Variants in ZNF248 observed in about 807,000 individuals in gnomAD.
The protein encoded by ZNF248 is zinc finger protein 248.
A neutral mutation model predicts 44.3 loss-of-function variants in ZNF248; 20 were observed. That is an observed-to-expected ratio of 0.45 (90% confidence interval 0.32 to 0.66). The LOEUF is 0.66. ZNF248 is among the 30% of genes least tolerant of loss of function. The pLI is 0.04. For synonymous variants in ZNF248, 224 were observed against 229.0 expected (o/e 0.98, Z 0.20); for missense variants, 654 against 677.0 (o/e 0.97, Z 0.38).
chr10:37,855,443 G>GA (rs34862113), intron 3 of ZNF248, among the ~76,000 whole-genome samples: 33,460 of 151,826 alleles, frequency 0.22, 3,842 homozygotes, highest in Middle Eastern at 0.29. Flanking sequence ...CTTTATTAAG[G>GA]AAAAAAAATG....
At chr10:37,811,082 C>A (rs2051415277) in intron 6 of ZNF248, among the ~76,000 whole-genome samples, 1 of 152,114 alleles carries the variant, frequency 6.6e-6, no homozygotes, top group Admixed American at 6.5e-5. Context: ...ATATGAAGTA[C>A]CACTAGTGAT....
Position 37,837,661 on chromosome 10 carries a change from T to C in ZNF248, c.194A>G (p.Glu65Gly). Residue 65 changes from glutamate to glycine, a missense_variant, in exon 5 of 6, where the codon GAG becomes GGG. By Grantham distance (98) the Glu-to-Gly change is moderately conservative. Coordinates refer to ENST00000395867, the MANE Select transcript of ZNF248 (RefSeq NM_021045.3). Reference sequence around the variant, plus strand: ...GAATCCTTTTTCTAATATCCAGGGCTCTTCTCCTTGCTCGATCTTAAAGAT... The same window carrying C: ...GAATCCTTTTTCTAATATCCAGGGCCCTTCTCCTTGCTCGATCTTAAAGAT... ...EVIFKIEQGE[E>G]PWILEKGFPS... is the part of the protein sequence containing the mutation. 6.2e-7 allele frequency: 1 copy of C among 1,614,138 alleles called. No individual in the cohort carries two copies. The highest frequency in any genetic ancestry group is 1.1e-5 in the South Asian group (1 of 91,086).
At chr10:37,834,925 A>G (rs1366725238) in intron 5 of ZNF248, among the ~76,000 whole-genome samples, 2 of 152,240 alleles carry the variant, frequency 1.3e-5, no homozygotes, top group African/African-American at 4.8e-5. Context: ...TAAGACAGGT[A>G]GCAAGGGCTA....
intron 1 of ZNF248, 168 bp from the exon 2 acceptor site, chr10:37,856,700 AG>A: frequency 1.0e-6 from 1 of 996,548 alleles, no homozygotes; most frequent in Non-Finnish European, 1.2e-6. Context: ...CCCTGAGGTT[AG>A]ATAATGCAAA....
downstream of ZNF248, among the ~76,000 whole-genome samples, chr10:37,824,718 G>T: frequency 1.1e-5 from 1 of 93,324 alleles, no homozygotes; most frequent in Non-Finnish European, 1.9e-5. Context: ...GTCTCCCTCT[G>T]TAGCCCAGGC....
chr10:37,815,324 A>G (rs931226299), intron 6 of ZNF248, among the ~76,000 whole-genome samples: 13 of 152,068 alleles, frequency 8.5e-5, no homozygotes, highest in Admixed American at 7.9e-4. Context: ...TCAGCCTCCC[A>G]AAGTGCTGGG....
chr10:37,770,306 G>A, the ZNF248 span, among the ~76,000 whole-genome samples: 22 of 152,098 alleles, frequency 1.4e-4, no homozygotes, highest in Non-Finnish European at 1.8e-4. Context: ...AAAAGAGCCC[G>A]CATCGCCAAG....
intron 6 of ZNF248, among the ~76,000 whole-genome samples, chr10:37,785,967 G>C (rs1287854779): frequency 6.6e-6 from 1 of 152,168 alleles, no homozygotes; most frequent in East Asian, 1.9e-4. Context: ...CCATCAAAGA[G>C]CAGCTACCAC....
intron 6 of ZNF248, among the ~76,000 whole-genome samples, chr10:37,788,577 C>T (rs961505091): frequency 2.6e-5 from 4 of 152,112 alleles, no homozygotes; most frequent in Middle Eastern, 3.2e-3. Context: ...GCCATGAAGC[C>T]ACCACTGCAC....
chr10:37,761,629 A>C, the ZNF248 span, among the ~76,000 whole-genome samples: 2 of 152,244 alleles, frequency 1.3e-5, no homozygotes, highest in Non-Finnish European at 2.9e-5. Flanking sequence ...AATAGTGAAT[A>C]ACTTTACTTC....
chr10:37,791,852 C>T (rs2048587136), intron 6 of ZNF248: 1 of 152,182 alleles, frequency 6.6e-6, no homozygotes, highest in Admixed American at 6.6e-5. Context: ...AAAGCAAGCA[C>T]AAATGGACTG....
intron 3 of ZNF248, among the ~76,000 whole-genome samples, chr10:37,840,027 G>A (rs892151541): frequency 1.3e-5 from 2 of 152,026 alleles, no homozygotes; most frequent in African/African-American, 2.4e-5. Flanking sequence ...TAAGCAAGAC[G>A]GCTGAAAAAT....
In ZNF248 at chr10:37,846,262, G is replaced by C. The variant is rs188608218; in HGVS notation, c.16-8151C>G. ...TTTGGTAACAGAAAGAGGAATTATA[G>C]AATTCGAATTTCACCATTTTGCAAT... On this transcript the variant is annotated intron_variant, in intron 3 of 5. Transcript: ENST00000395867. Among the ~76,000 whole-genome samples, 15 of 152,270 alleles carry C rather than the reference G, an allele frequency of 9.9e-5. No homozygotes were observed. The East Asian group carries it at 2.9e-3, about 29-fold the overall frequency.
chr10:37,762,772 C>T, the ZNF248 span, among the ~76,000 whole-genome samples: 1 of 152,136 alleles, frequency 6.6e-6, no homozygotes, highest in Non-Finnish European at 1.5e-5. Context: ...CTCGAGGCTT[C>T]CCATGTAGAC....
intron 6 of ZNF248, among the ~76,000 whole-genome samples, chr10:37,797,580 T>C (rs1210318271): frequency 1.3e-5 from 2 of 151,246 alleles, no homozygotes; most frequent in African/African-American, 4.8e-5. Context: ...TATCCAAATA[T>C]ATTTTTAAAA....
At chr10:37,842,116 T>G (rs546448188) in intron 3 of ZNF248, among the ~76,000 whole-genome samples, 27 of 152,202 alleles carry the variant, frequency 1.8e-4, no homozygotes, top group Non-Finnish European at 3.1e-4. Flanking sequence ...TTAATGAAAC[T>G]GTGTCTATGG....
intron 3 of ZNF248, among the ~76,000 whole-genome samples, chr10:37,842,065 T>C (rs900020579): frequency 6.6e-6 from 1 of 152,134 alleles, no homozygotes; most frequent in Non-Finnish European, 1.5e-5. Context: ...AATATATCAG[T>C]ATTGTTTCAT....
intron 3 of ZNF248, among the ~76,000 whole-genome samples, chr10:37,842,621 A>C (rs975388253): frequency 2.6e-5 from 4 of 152,200 alleles, no homozygotes; most frequent in African/African-American, 9.7e-5. Context: ...GGACTGATGC[A>C]ATATGCTTGT....
At chr10:37,820,750 A>C in intron 6 of ZNF248, 1 of 1,301,526 alleles carries the variant, frequency 7.7e-7, no homozygotes, top group Non-Finnish European at 1.1e-6. Flanking sequence ...TGGAAGACTC[A>C]CTATTAAGTG....
Sources: allele counts gnomAD v4.1 joint callset (sites outside exome capture counted in the v4.1 genomes callset), GRCh38; gene constraint gnomAD v4.1.1; transcripts MANE v1.5; gene names NCBI Gene and HGNC (gene_info 2026-07-23, HGNC 2026-07-21).